RPS6KC1: variants seen among roughly 807,000 people sequenced by gnomAD.
RPS6KC1 encodes the protein ribosomal protein S6 kinase C1.
In RPS6KC1, 54 loss-of-function variants were observed where a neutral mutation model predicts 103.8. The observed-to-expected ratio is 0.52, with a 90% confidence interval of 0.42 to 0.65. RPS6KC1 has a LOEUF of 0.65. Among genes scored for constraint, RPS6KC1 ranks in the 30% least tolerant of loss-of-function variants. The pLI is 0.00. For synonymous variants in RPS6KC1, 439 were observed against 438.7 expected (o/e 1.00, Z -0.01); for missense variants, 1,151 against 1,253.8 (o/e 0.92, Z 1.24).
chr1:213,142,580 T>C (rs1367645013), intron 6 of RPS6KC1, among the ~76,000 whole-genome samples: 4 of 152,074 alleles, frequency 2.6e-5, no homozygotes, highest in African/African-American at 9.7e-5. Flanking sequence ...AAAGGGTCTT[T>C]GCTTGTGGCT....
the RPS6KC1 span, among the ~76,000 whole-genome samples, chr1:213,737,332 T>G: frequency 1.3e-5 from 2 of 152,284 alleles, no homozygotes; most frequent in East Asian, 3.9e-4. Context: ...TCCAGTCACA[T>G]TGGGGAAGAC....
chr1:213,564,519 T>A, the RPS6KC1 span, among the ~76,000 whole-genome samples: 1 of 152,196 alleles, frequency 6.6e-6, no homozygotes, highest in Non-Finnish European at 1.5e-5. Context: ...GGGTCATTGT[T>A]CATTTGTGGT....
chr1:213,111,164 T>C (rs2148834559), intron 4 of RPS6KC1, among the ~76,000 whole-genome samples: 1 of 152,290 alleles, frequency 6.6e-6, no homozygotes, highest in Admixed American at 6.5e-5. Flanking sequence ...GCTTTATGCT[T>C]TTAGTCAATT....
Position 213,177,482 on chromosome 1 carries a change from A to G in RPS6KC1, c.1044+990A>G, listed in dbSNP as rs140861879. ...TGTAGTATTCTCTAGCAATTTAGACAGTAAAAGTTTGAAGCATTCCAAAGG... is the reference window on the plus strand; with the variant it reads ...TGTAGTATTCTCTAGCAATTTAGACGGTAAAAGTTTGAAGCATTCCAAAGG... On this transcript the variant is annotated intron_variant, in intron 8 of 14. Coordinates refer to ENST00000366960, the MANE Select transcript of RPS6KC1 (RefSeq NM_012424.6). Among the ~76,000 whole-genome samples the G allele has an allele frequency of 1.1e-4, 16 of 152,350 alleles. No homozygotes were observed. In the East Asian group the frequency reaches 2.1e-3, roughly 20 times the overall value.
At chr1:213,225,698 T>C (rs2093944683) in intron 8 of RPS6KC1, among the ~76,000 whole-genome samples, 1 of 152,148 alleles carries the variant, frequency 6.6e-6, no homozygotes, top group Non-Finnish European at 1.5e-5. Flanking sequence ...CGGTTTGGCC[T>C]TTTTATCTGA....
At chr1:213,478,019 T>C in the RPS6KC1 span, among the ~76,000 whole-genome samples, 1 of 152,212 alleles carries the variant, frequency 6.6e-6, no homozygotes, top group Non-Finnish European at 1.5e-5. Context: ...TCCTCTGCGC[T>C]CTGCCTATTC....
At chr1:213,496,620 T>G in the RPS6KC1 span, among the ~76,000 whole-genome samples, 2 of 152,134 alleles carry the variant, frequency 1.3e-5, no homozygotes, top group Admixed American at 1.3e-4. Flanking sequence ...TAGCCAAGCA[T>G]GGTGGTACGT....
the RPS6KC1 span, among the ~76,000 whole-genome samples, chr1:213,556,266 CA>C: frequency 6.6e-6 from 1 of 151,992 alleles, no homozygotes; most frequent in South Asian, 2.1e-4. Context: ...AGACTGGGAT[CA>C]AAAAAGGTGG....
At chr1:213,473,214 C>T in the RPS6KC1 span, among the ~76,000 whole-genome samples, 1 of 152,218 alleles carries the variant, frequency 6.6e-6, no homozygotes, top group South Asian at 2.1e-4. Context: ...TGGCAAAAGC[C>T]AACACCAATC....
chr1:213,162,325 G>A (rs1268614709), intron 6 of RPS6KC1, among the ~76,000 whole-genome samples: 1 of 152,134 alleles, frequency 6.6e-6, no homozygotes, highest in Non-Finnish European at 1.5e-5. Context: ...CTGTTGCCCA[G>A]GCTGGAGTGC....
At chr1:213,647,112 C>T in the RPS6KC1 span, among the ~76,000 whole-genome samples, 6 of 151,948 alleles carry the variant, frequency 3.9e-5, no homozygotes, top group African/African-American at 1.4e-4. Context: ...AGGTTCGCCA[C>T]GTTGGCCAGG....
At chr1:213,215,922 A>G (rs2093646249) in intron 8 of RPS6KC1, among the ~76,000 whole-genome samples, 1 of 152,218 alleles carries the variant, frequency 6.6e-6, no homozygotes, top group African/African-American at 2.4e-5. Flanking sequence ...CACTGCAAAA[A>G]CATGCCAAAT....
At chr1:213,055,068 A>G (rs991611626) in intron 1 of RPS6KC1, among the ~76,000 whole-genome samples, 2 of 152,204 alleles carry the variant, frequency 1.3e-5, no homozygotes, top group Non-Finnish European at 2.9e-5. Flanking sequence ...ATTATAACTT[A>G]TTTAATTTAC....
chr1:213,372,847 A>G, the RPS6KC1 span, among the ~76,000 whole-genome samples: 1 of 152,042 alleles, frequency 6.6e-6, no homozygotes, highest in South Asian at 2.1e-4. Flanking sequence ...GAATTTAAAT[A>G]TAGAAGGATA....
chr1:213,299,213 T>G, the RPS6KC1 span, among the ~76,000 whole-genome samples: 1 of 152,222 alleles, frequency 6.6e-6, no homozygotes. Flanking sequence ...AGAAATCACA[T>G]AACTGCCATT....
chr1:213,495,225 T>A, the RPS6KC1 span, among the ~76,000 whole-genome samples: 1 of 152,242 alleles, frequency 6.6e-6, no homozygotes, highest in Admixed American at 6.5e-5. Flanking sequence ...ACATAATGTA[T>A]TTATTGTGTG....
the RPS6KC1 span, among the ~76,000 whole-genome samples, chr1:213,365,314 T>G: frequency 6.6e-6 from 1 of 152,254 alleles, no homozygotes; most frequent in Admixed American, 6.5e-5. Context: ...CTTCTTTCTC[T>G]CTGTCTCTCC....
chr1:213,655,749 A>G, the RPS6KC1 span, among the ~76,000 whole-genome samples: 1 of 152,198 alleles, frequency 6.6e-6, no homozygotes, highest in Non-Finnish European at 1.5e-5. Flanking sequence ...ATAAAAATAT[A>G]TATATACTGA....
chr1:213,629,573 G>A, the RPS6KC1 span, among the ~76,000 whole-genome samples: 1 of 152,066 alleles, frequency 6.6e-6, no homozygotes, highest in African/African-American at 2.4e-5. Context: ...GGAGCATTTA[G>A]CCCATTTACA....
Sources: allele counts gnomAD v4.1 joint callset (sites outside exome capture counted in the v4.1 genomes callset), GRCh38; gene constraint gnomAD v4.1.1; transcripts MANE v1.5; gene names NCBI Gene and HGNC (gene_info 2026-07-23, HGNC 2026-07-21).